Variants in AGBL4 observed in about 807,000 individuals in gnomAD.
AGBL4 encodes the protein AGBL carboxypeptidase 4.
Under a neutral mutation model 66.4 loss-of-function variants are expected in AGBL4, and 58 were observed. The ratio of observed to expected loss-of-function variants is 0.87; its 90% CI spans 0.71 to 1.09. The LOEUF (loss-of-function observed/expected upper bound fraction) is 1.09, where lower values mean the gene tolerates loss of function less well. Among genes scored for constraint, AGBL4 ranks in the 50% least tolerant of loss-of-function variants. The pLI is 0.00. For missense variants in AGBL4, 579 were observed against 631.0 expected (o/e 0.92, Z 0.88); for synonymous variants, 234 against 222.9 (o/e 1.05, Z -0.44).
At chr1:49,221,226 T>A (rs772335551) in intron 4 of AGBL4, among the ~76,000 whole-genome samples, 1 of 152,050 alleles carries the variant, frequency 6.6e-6, no homozygotes, top group Non-Finnish European at 1.5e-5. Flanking sequence ...AACAAAAGAA[T>A]CAATCAATCA....
intron 3 of AGBL4, among the ~76,000 whole-genome samples, chr1:49,446,791 G>A (rs868195807): frequency 2.0e-5 from 3 of 152,170 alleles, no homozygotes; most frequent in African/African-American, 7.2e-5. Context: ...CACGTAGGAA[G>A]TACCTGAGGT....
intron 6 of AGBL4, among the ~76,000 whole-genome samples, chr1:48,749,776 A>G (rs1010856015): frequency 1.1e-4 from 16 of 152,184 alleles, no homozygotes; most frequent in Non-Finnish European, 2.1e-4. Context: ...TGGTTCTTCT[A>G]CTTCTCTCCT....
intron 8 of AGBL4, among the ~76,000 whole-genome samples, chr1:48,648,229 T>C (rs1570123963): frequency 6.6e-6 from 1 of 152,168 alleles, no homozygotes; most frequent in African/African-American, 2.4e-5. Context: ...TTCTCCATCC[T>C]CCCAGCCCCT....
At chr1:48,637,948 C>A (rs1179094741) in intron 8 of AGBL4, among the ~76,000 whole-genome samples, 1 of 152,182 alleles carries the variant, frequency 6.6e-6, no homozygotes, top group African/African-American at 2.4e-5. Flanking sequence ...CCAGCCCTCA[C>A]TGAGCATCTA....
At chr1:49,555,950 C>T (rs1653407126) in intron 3 of AGBL4, among the ~76,000 whole-genome samples, 1 of 152,128 alleles carries the variant, frequency 6.6e-6, no homozygotes, top group Admixed American at 6.6e-5. Context: ...ACTAGTTCAA[C>T]CATTGTGGAA....
chr1:48,541,542 T>C (rs1391720128), intron 11 of AGBL4, among the ~76,000 whole-genome samples: 3 of 152,166 alleles, frequency 2.0e-5, no homozygotes, highest in African/African-American at 7.2e-5. Context: ...GAGGCTGAAG[T>C]GGGTGGATCA....
At chr1:49,493,008 A>G (rs1570859676) in intron 3 of AGBL4, among the ~76,000 whole-genome samples, 1 of 151,944 alleles carries the variant, frequency 6.6e-6, no homozygotes, top group Admixed American at 6.6e-5. Flanking sequence ...AGAAGTGCCA[A>G]GCAAAAGAGA....
intron 6 of AGBL4, among the ~76,000 whole-genome samples, chr1:48,768,562 A>G (rs183545393): frequency 1.1e-3 from 162 of 152,330 alleles, no homozygotes; most frequent in African/African-American, 3.8e-3. Flanking sequence ...AGGAAACCCA[A>G]TGCAAGTCTG....
At chr1:48,695,943 T>A (rs1570278761) in intron 6 of AGBL4, among the ~76,000 whole-genome samples, 2 of 151,540 alleles carry the variant, frequency 1.3e-5, no homozygotes, top group Admixed American at 6.5e-5. Context: ...CTGGCCTGCA[T>A]GGCCAGGGAG....
intron 11 of AGBL4, chr1:48,583,773 T>C (rs1211638857): frequency 6.6e-6 from 1 of 152,176 alleles, no homozygotes; most frequent in Non-Finnish European, 1.5e-5. Context: ...TAATTTCTTT[T>C]TATGATTGGG....
intron 3 of AGBL4, among the ~76,000 whole-genome samples, chr1:49,271,245 A>C (rs1644051281): frequency 6.6e-6 from 1 of 152,126 alleles, no homozygotes; most frequent in Non-Finnish European, 1.5e-5. Context: ...CTTTGTGAAT[A>C]GATGGTCAGT....
In AGBL4 at chr1:49,845,996, C is replaced by T. The variant is rs925782680; in HGVS notation, c.157+5400G>A. On this transcript the variant is annotated intron_variant, in intron 2 of 13. Transcript: ENST00000371839. ...TCAGCGAAACCACACTGAGGAGAAG[C>T]CCTACAAATGCAACCAGTGTGGCAG... 1.9e-5 allele frequency: 31 copies of T among 1,590,488 alleles called. No individual in the cohort carries two copies. In the African/African-American group the frequency reaches 3.8e-4, roughly 19 times the overall value.
chr1:49,078,033 T>C (rs1266455894), intron 4 of AGBL4, among the ~76,000 whole-genome samples: 1 of 152,116 alleles, frequency 6.6e-6, no homozygotes, highest in African/African-American at 2.4e-5. Flanking sequence ...TTCCCTAAGG[T>C]CCACACCTTA....
At chr1:49,794,849 A>G (rs1644691394) in intron 2 of AGBL4, among the ~76,000 whole-genome samples, 1 of 151,986 alleles carries the variant, frequency 6.6e-6, no homozygotes, top group African/African-American at 2.4e-5. Context: ...CATAAGTATT[A>G]ATTCACTCAT....
chr1:48,927,825 A>T (rs899285257), intron 5 of AGBL4, among the ~76,000 whole-genome samples: 3 of 152,110 alleles, frequency 2.0e-5, no homozygotes, highest in Non-Finnish European at 4.4e-5. Flanking sequence ...TGCCTGCCCA[A>T]AGTCTATGGT....
At chr1:48,810,699 A>G (rs1051866085) in intron 6 of AGBL4, among the ~76,000 whole-genome samples, 1 of 152,200 alleles carries the variant, frequency 6.6e-6, no homozygotes, top group Non-Finnish European at 1.5e-5. Context: ...AATGAACTTT[A>G]CTGTGATGAG....
At chr1:49,851,724 T>A (rs1381702454) in intron 1 of AGBL4, among the ~76,000 whole-genome samples, 2 of 152,056 alleles carry the variant, frequency 1.3e-5, no homozygotes, top group African/African-American at 4.8e-5. Context: ...AACTGCTAAT[T>A]CTCTATGCCC....
intron 4 of AGBL4, among the ~76,000 whole-genome samples, chr1:49,172,422 A>G (rs1646755052): frequency 6.6e-6 from 1 of 152,198 alleles, no homozygotes; most frequent in Non-Finnish European, 1.5e-5. Context: ...TGGCAAGGAA[A>G]GCTTCCCTGA....
At chr1:49,021,498 C>T (rs770503916) in intron 5 of AGBL4, among the ~76,000 whole-genome samples, 1 of 151,920 alleles carries the variant, frequency 6.6e-6, no homozygotes, top group Non-Finnish European at 1.5e-5. Context: ...TTAAAAGGAA[C>T]CAAAAAGACT....
Sources: allele counts gnomAD v4.1 joint callset (sites outside exome capture counted in the v4.1 genomes callset), GRCh38; gene constraint gnomAD v4.1.1; transcripts MANE v1.5; gene names NCBI Gene and HGNC (gene_info 2026-07-23, HGNC 2026-07-21).